The following CSMD1 variants were observed in gnomAD, a reference collection of about 807,000 sequenced individuals.
CSMD1 encodes the protein CUB and sushi domain-containing protein 1.
A neutral mutation model predicts 417.5 loss-of-function variants in CSMD1; 213 were observed. The ratio of observed to expected loss-of-function variants is 0.51; its 90% CI spans 0.46 to 0.57. CSMD1 has a LOEUF of 0.57. Ranked by LOEUF, CSMD1 falls within the 20% of genes least tolerant of loss-of-function variation. The pLI, the probability that CSMD1 is intolerant of heterozygous loss-of-function variation, is 0.00. For synonymous variants in CSMD1, 2,862 were observed against 1,736.8 expected (o/e 1.65, Z -16.11); for missense variants, 6,923 against 4,529.7 (o/e 1.53, Z -15.17).
intron 3 of CSMD1, among the ~76,000 whole-genome samples, chr8:4,239,567 A>G (rs1802270130): frequency 6.6e-6 from 1 of 152,092 alleles, no homozygotes; most frequent in South Asian, 2.1e-4. Flanking sequence ...GCCACCCCAT[A>G]ACCCTCCAGT....
chr8:4,120,796 C>T (rs1195415110), intron 3 of CSMD1, among the ~76,000 whole-genome samples: 1 of 152,306 alleles, frequency 6.6e-6, no homozygotes, highest in African/African-American at 2.4e-5. Flanking sequence ...AAACAAAAGA[C>T]AGAAGCTCAT....
intron 5 of CSMD1, among the ~76,000 whole-genome samples, chr8:3,873,218 A>C (rs1805599285): frequency 6.6e-6 from 1 of 152,220 alleles, no homozygotes; most frequent in South Asian, 2.1e-4. Context: ...TAGCCAAAGG[A>C]ACAGCAATCA....
intron 1 of CSMD1, chr8:4,787,265 C>A (rs1208449129): frequency 3.4e-6 from 2 of 587,558 alleles, no homozygotes; most frequent in Admixed American, 3.0e-5. Flanking sequence ...GCTCTCTGAT[C>A]ACCCCTCTTT....
intron 5 of CSMD1, among the ~76,000 whole-genome samples, chr8:3,804,263 C>T (rs190957876): frequency 1.3e-5 from 2 of 152,080 alleles, no homozygotes; most frequent in Admixed American, 6.6e-5. Flanking sequence ...CAATTCAAAA[C>T]ATTTAACTTG....
At chr8:3,974,603 G>T (rs1020067683) in intron 5 of CSMD1, among the ~76,000 whole-genome samples, 2 of 151,466 alleles carry the variant, frequency 1.3e-5, no homozygotes, top group African/African-American at 2.4e-5. Context: ...AACAACCCTT[G>T]TTTTTACTAA....
At chr8:3,338,579 C>G (rs982028530) in intron 23 of CSMD1, among the ~76,000 whole-genome samples, 1 of 152,142 alleles carries the variant, frequency 6.6e-6, no homozygotes, top group Admixed American at 6.5e-5. Context: ...AAATTAAACA[C>G]TGTTGTTGCC....
chr8:4,309,254 C>G (rs1798426403), intron 3 of CSMD1, among the ~76,000 whole-genome samples: 1 of 151,962 alleles, frequency 6.6e-6, no homozygotes, highest in Admixed American at 6.6e-5. Context: ...TTAATTAATT[C>G]ACACCAACTA....
chr8:4,750,303 G>T (rs1027743728), intron 1 of CSMD1, among the ~76,000 whole-genome samples: 2 of 152,174 alleles, frequency 1.3e-5, no homozygotes, highest in Non-Finnish European at 2.9e-5. Flanking sequence ...ACCATGCCCG[G>T]CCCTGACTTT....
chr8:3,378,775 C>T (rs187410136), intron 18 of CSMD1, among the ~76,000 whole-genome samples: 4,443 of 152,212 alleles, frequency 0.029, 209 homozygotes, highest in African/African-American at 0.1. Context: ...TTATGACAAA[C>T]CCACAGCCAA....
chr8:4,966,470 C>T lies in CSMD1; in HGVS notation c.85+27862G>A, dbSNP rs574754726. 6.6e-5 allele frequency among the ~76,000 whole-genome samples: 10 copies of T among 152,246 alleles called. 1 individual carries two copies. The highest frequency in any genetic ancestry group is 2.4e-4 in the African/African-American group (10 of 41,548). On this transcript the variant is annotated intron_variant, in intron 1 of 69. Transcript: ENST00000635120. ...GTTAGGCTAATATCAACCATCACTT[C>T]CAGATCTCAATGGGACACATCGCGA...
At chr8:4,210,583 T>C (rs182028039) in intron 3 of CSMD1, among the ~76,000 whole-genome samples, 50 of 152,316 alleles carry the variant, frequency 3.3e-4, no homozygotes, top group African/African-American at 1.2e-3. Flanking sequence ...TGACCAATTT[T>C]CTAAAATGTT....
At chr8:3,213,838 G>A (rs1187166346) in intron 30 of CSMD1, among the ~76,000 whole-genome samples, 2 of 143,484 alleles carry the variant, frequency 1.4e-5, no homozygotes, top group African/African-American at 5.6e-5. Flanking sequence ...GTGTATGTGT[G>A]TGTGTGTATA....
chr8:3,895,524 G>T (rs190850918), intron 5 of CSMD1, among the ~76,000 whole-genome samples: 1 of 151,814 alleles, frequency 6.6e-6, no homozygotes, highest in African/African-American at 2.4e-5. Flanking sequence ...CTATCCTTAG[G>T]GAATAAATAT....
intron 23 of CSMD1, among the ~76,000 whole-genome samples, chr8:3,321,587 C>T (rs1806159219): frequency 6.6e-6 from 1 of 152,174 alleles, no homozygotes; most frequent in African/African-American, 2.4e-5. Flanking sequence ...GCCCAGAGAA[C>T]ATGCATTGTT....
chr8:4,293,574 A>G (rs1361458373), intron 3 of CSMD1, among the ~76,000 whole-genome samples: 1 of 152,230 alleles, frequency 6.6e-6, no homozygotes. Flanking sequence ...CAAATTAGGC[A>G]CAATAAAAGA....
At chr8:4,434,135 T>G (rs1327497829) in intron 2 of CSMD1, among the ~76,000 whole-genome samples, 1 of 152,164 alleles carries the variant, frequency 6.6e-6, no homozygotes, top group East Asian at 1.9e-4. Flanking sequence ...GTCAGGAGTT[T>G]GAGAACAGCT....
intron 10 of CSMD1, among the ~76,000 whole-genome samples, chr8:3,533,090 C>G (rs577108245): frequency 6.6e-6 from 1 of 152,254 alleles, no homozygotes; most frequent in South Asian, 2.1e-4. Context: ...ATGTACCTTT[C>G]CATCACCATC....
At chr8:3,187,150 T>C (rs1218301904) in intron 36 of CSMD1, among the ~76,000 whole-genome samples, 1 of 152,202 alleles carries the variant, frequency 6.6e-6, no homozygotes, top group South Asian at 2.1e-4. Flanking sequence ...ACCAGGGAGA[T>C]AATCGCAATA....
intron 1 of CSMD1, among the ~76,000 whole-genome samples, chr8:4,844,551 A>G (rs987787917): frequency 6.6e-6 from 1 of 152,134 alleles, no homozygotes; most frequent in Non-Finnish European, 1.5e-5. Flanking sequence ...AGATTCAATA[A>G]CCAGCCATGA....
Sources: gnomAD v4.1 joint callset for allele counts (sites outside exome capture counted in the v4.1 genomes callset) on GRCh38, gnomAD v4.1.1 for gene constraint, MANE v1.5 for transcripts, NCBI Gene and HGNC (gene_info 2026-07-23, HGNC 2026-07-21) for gene names.